The following EPHB1 variants were observed in gnomAD, a reference collection of about 807,000 sequenced individuals.
EPHB1 encodes ephrin type-B receptor 1.
A neutral mutation model predicts 94.4 loss-of-function variants in EPHB1; 30 were observed. The ratio of observed to expected loss-of-function variants is 0.32; its 90% confidence interval spans 0.24 to 0.43. The LOEUF (loss-of-function observed/expected upper bound fraction) is 0.43, where lower values mean the gene tolerates loss of function less well. EPHB1 is among the 20% of genes least tolerant of loss of function. EPHB1 has a pLI of 1.00. For missense variants in EPHB1, 1,055 were observed against 1,308.3 expected, an observed-to-expected ratio of 0.81 and a Z score of 2.99; for synonymous variants, 522 against 489.1, an observed-to-expected ratio of 1.07 and a Z score of -0.89.
rs1458276339 is a variant in EPHB1 at position 134,853,824 on chromosome 3, G to T, written c.58+58135G>T. On this transcript the variant is annotated intron_variant, in intron 1 of 15. Transcript: ENST00000398015. ...TCTTCCCTGCCCAGGGCCAAAGCAG[G>T]GATGGAAAACAGAGACAGGGGTTCC... Among the ~76,000 whole-genome samples, 3 of 152,166 alleles carry T rather than the reference G, an allele frequency of 2.0e-5. No individual in the cohort carries two copies. In the East Asian group the frequency reaches 5.8e-4, roughly 29 times the overall value.
chr3:135,078,234 G>A (rs987424004), intron 3 of EPHB1, among the ~76,000 whole-genome samples: 41 of 152,316 alleles, frequency 2.7e-4, no homozygotes, highest in African/African-American at 9.9e-4. Context: ...CTGGCAGGGG[G>A]AGGAGTATGG....
chr3:134,837,985 A>C (rs1245402011), intron 1 of EPHB1, among the ~76,000 whole-genome samples: 1 of 152,114 alleles, frequency 6.6e-6, no homozygotes, highest in African/African-American at 2.4e-5. Flanking sequence ...ATGAATAGGC[A>C]GGGGGTGAGG....
At chr3:135,072,050 T>G (rs1937735111) in intron 3 of EPHB1, among the ~76,000 whole-genome samples, 1 of 152,100 alleles carries the variant, frequency 6.6e-6, no homozygotes, top group African/African-American at 2.4e-5. Context: ...TACAGACCAC[T>G]CCACACAGCA....
At position 135,168,621 on chromosome 3, in the gene EPHB1, G is replaced by C. The variant is rs553747810; in HGVS notation, c.1759+1615G>C. ...TTCTCAAGTGATGGTGCACTCACCA[G>C]GGTGCCTCCGTATTTCCTCAAGGGC... On this transcript the variant is annotated intron_variant, in intron 9 of 15. Coordinates refer to ENST00000398015, the MANE Select transcript of EPHB1 (RefSeq NM_004441.5). Among the ~76,000 whole-genome samples the C allele has an allele frequency of 9.8e-5, 15 of 152,318 alleles. No homozygotes were observed. The South Asian group carries it at 2.5e-3, about 25-fold the overall frequency.
intron 1 of EPHB1, among the ~76,000 whole-genome samples, chr3:134,798,271 A>T (rs1173372213): frequency 6.6e-6 from 1 of 152,092 alleles, no homozygotes; most frequent in Non-Finnish European, 1.5e-5. Context: ...AGTGACAATC[A>T]TGGGCCAGGT....
At chr3:135,151,977 T>C (rs1484428872) in intron 5 of EPHB1, among the ~76,000 whole-genome samples, 2 of 152,200 alleles carry the variant, frequency 1.3e-5, no homozygotes, top group Admixed American at 6.5e-5. Flanking sequence ...TATTAATAGA[T>C]ATATAATACA....
chr3:135,174,571 A>G (rs894763365), intron 9 of EPHB1, among the ~76,000 whole-genome samples: 2 of 152,120 alleles, frequency 1.3e-5, no homozygotes, highest in African/African-American at 4.8e-5. Flanking sequence ...CAGTTATTTC[A>G]TATCTTAATT....
intron 2 of EPHB1, among the ~76,000 whole-genome samples, chr3:134,944,221 G>A (rs1377236002): frequency 4.6e-5 from 7 of 152,188 alleles, no homozygotes; most frequent in Non-Finnish European, 1.0e-4. Context: ...AAAATATGTG[G>A]TCTTTTGAGA....
chr3:134,855,314 G>T (rs1054056320), intron 1 of EPHB1, among the ~76,000 whole-genome samples: 4 of 152,206 alleles, frequency 2.6e-5, no homozygotes, highest in African/African-American at 9.6e-5. Context: ...GTCTGGAGAA[G>T]CTCCCCAGAG....
chr3:135,005,336 C>G (rs1393264486), intron 3 of EPHB1, among the ~76,000 whole-genome samples: 1 of 152,212 alleles, frequency 6.6e-6, no homozygotes, highest in Non-Finnish European at 1.5e-5. Flanking sequence ...TAGCTGCGTG[C>G]TGGGAGAACC....
intron 3 of EPHB1, among the ~76,000 whole-genome samples, chr3:134,958,413 A>AGT (rs3067407): frequency 0.094 from 9,165 of 97,504 alleles, 297 homozygotes; most frequent in African/African-American, 0.12. Context: ...AACACAAGGG[A>AGT]GTGTGTGTGT....
chr3:135,139,628 A>G (rs1940748627), intron 5 of EPHB1, among the ~76,000 whole-genome samples: 1 of 152,202 alleles, frequency 6.6e-6, no homozygotes, highest in South Asian at 2.1e-4. Context: ...CTGGGATCAG[A>G]GGCCCAGAAA....
intron 3 of EPHB1, among the ~76,000 whole-genome samples, chr3:134,992,140 C>A (rs778619494): frequency 2.0e-5 from 3 of 152,144 alleles, no homozygotes; most frequent in Non-Finnish European, 4.4e-5. Flanking sequence ...TCTCAATGAG[C>A]TTAATGTTGG....
chr3:134,831,053 A>G (rs1326809760), intron 1 of EPHB1, among the ~76,000 whole-genome samples: 1 of 152,224 alleles, frequency 6.6e-6, no homozygotes, highest in Non-Finnish European at 1.5e-5. Context: ...AGCTTCTAGC[A>G]TCTTCCATCT....
intron 1 of EPHB1, among the ~76,000 whole-genome samples, chr3:134,804,071 A>ATTTTTTTTTTTTTTTTTTTTTTTTTTTT: frequency 2.3e-5 from 1 of 43,750 alleles, no homozygotes; most frequent in Non-Finnish European, 4.1e-5. Flanking sequence ...ATTATTGGCT[A>ATTTTTTTTTTTTTTTTTTTTTTTTTTTT]TTTTTTTTTT....
chr3:135,073,934 C>G (rs1159207900), intron 3 of EPHB1, among the ~76,000 whole-genome samples: 1 of 152,166 alleles, frequency 6.6e-6, no homozygotes, highest in Non-Finnish European at 1.5e-5. Flanking sequence ...TGATAAGATT[C>G]AGGCTTATTT....
At chr3:135,140,705 A>G (rs969303101) in intron 5 of EPHB1, among the ~76,000 whole-genome samples, 3 of 151,872 alleles carry the variant, frequency 2.0e-5, no homozygotes, top group Admixed American at 1.3e-4. Context: ...GGCCTGTCCT[A>G]CCTCCCCCAC....
In EPHB1 at chr3:135,248,499, A is replaced by G. The variant is rs1177422998; in HGVS notation, c.2680A>G (p.Ile894Val). 1 of 1,602,018 alleles carries G rather than the reference A, an allele frequency of 6.2e-7. No individual in the cohort carries two copies. Among genetic ancestry groups the G allele is most frequent in the Non-Finnish European group, 8.5e-7 (1 of 1,171,714 alleles). The change falls in exon 14 of 16, where the codon ATC becomes GTC. Residue 894 changes from isoleucine (I) to valine (V), a missense_variant. Coordinates refer to ENST00000398015, the MANE Select transcript of EPHB1 (RefSeq NM_004441.5). ...NPASLKTVAT[I>V]TAVPSQPLLD... is the part of the protein sequence containing the mutation. ...GGCAAGTCTCAAGACTGTGGCAACC[A>G]TCACCGCCGTGTGAGTCTAGTGAAA...
At chr3:134,832,913 G>A (rs1215156026) in intron 1 of EPHB1, among the ~76,000 whole-genome samples, 7 of 152,162 alleles carry the variant, frequency 4.6e-5, no homozygotes, top group South Asian at 2.1e-4. Flanking sequence ...AATCACTCAC[G>A]GTTTATGTGA....
Sources: gnomAD v4.1 joint callset for allele counts (sites outside exome capture counted in the v4.1 genomes callset) on GRCh38, gnomAD v4.1.1 for gene constraint, MANE v1.5 for transcripts, NCBI Gene and HGNC (gene_info 2026-07-23, HGNC 2026-07-21) for gene names.